The following RAI14 variants were observed in gnomAD, a reference collection of about 807,000 sequenced individuals.
The protein encoded by RAI14 is ankycorbin.
Under a neutral mutation model 115.4 loss-of-function variants are expected in RAI14, and 45 were observed. The ratio of observed to expected loss-of-function variants is 0.39; its 90% CI spans 0.31 to 0.50. The LOEUF (loss-of-function observed/expected upper bound fraction) is 0.50, where lower values mean the gene tolerates loss of function less well. Among genes scored for constraint, RAI14 ranks in the 20% least tolerant of loss-of-function variants. RAI14 has a pLI of 0.85. For synonymous variants in RAI14, 371 were observed against 415.4 expected (o/e 0.89, Z 1.30); for missense variants, 939 against 1,131.2 (o/e 0.83, Z 2.44).
intron 16 of RAI14, among the ~76,000 whole-genome samples, chr5:34,829,154 G>C (rs983547983): frequency 1.5e-5 from 2 of 135,394 alleles, no homozygotes; most frequent in African/African-American, 5.7e-5. Context: ...CACATATATA[G>C]ACACACATAC....
At chr5:34,811,180 C>A in intron 8 of RAI14, 62 bp downstream of exon 8, 1 of 1,527,182 alleles carries the variant, frequency 6.5e-7, no homozygotes, top group Non-Finnish European at 9.0e-7. Flanking sequence ...GAGAGTATTT[C>A]AAAATATCAC....
intron 2 of RAI14, among the ~76,000 whole-genome samples, chr5:34,723,616 C>T (rs763577252): frequency 5.3e-5 from 8 of 152,088 alleles, no homozygotes; most frequent in African/African-American, 1.2e-4. Context: ...TAACATTAAC[C>T]GTCGCATAGT....
chr5:34,750,156 TA>T (rs754596718), intron 2 of RAI14, among the ~76,000 whole-genome samples: 1 of 152,058 alleles, frequency 6.6e-6, no homozygotes, highest in Non-Finnish European at 1.5e-5. Context: ...AATTTACAAG[TA>T]GGGGGGATTT....
At chr5:34,762,461 G>A (rs987082231) in intron 3 of RAI14, among the ~76,000 whole-genome samples, 1 of 152,064 alleles carries the variant, frequency 6.6e-6, no homozygotes, top group Non-Finnish European at 1.5e-5. Context: ...TCTTTCTGGA[G>A]TATTTTCTTT....
At chr5:34,696,469 G>A (rs1304437708) in intron 2 of RAI14, among the ~76,000 whole-genome samples, 1 of 152,128 alleles carries the variant, frequency 6.6e-6, no homozygotes, top group African/African-American at 2.4e-5. Flanking sequence ...GAAACTGAAG[G>A]TGCACAAATC....
intron 2 of RAI14, among the ~76,000 whole-genome samples, chr5:34,720,441 C>T (rs931229760): frequency 3.1e-5 from 4 of 130,656 alleles, no homozygotes; most frequent in South Asian, 2.5e-4. Flanking sequence ...GATGGAGTCT[C>T]GCTCTGTCGC....
In RAI14 at chr5:34,831,053, C is replaced by T; in HGVS notation, c.*288C>T. On this transcript the variant is annotated 3_prime_UTR_variant, in exon 18 of 18. Coordinates refer to ENST00000265109, the MANE Select transcript of RAI14 (RefSeq NM_015577.3). Reference sequence around the variant, plus strand: ...TGGTCCTGATGCTGGCAGGGGGGCCCCCTCCTCCATCCCTGACTGGCTGAG... The same window carrying T: ...TGGTCCTGATGCTGGCAGGGGGGCCTCCTCCTCCATCCCTGACTGGCTGAG... 1 of 371,480 alleles carries T rather than the reference C, an allele frequency of 2.7e-6. No homozygotes were observed. Among genetic ancestry groups the T allele is most frequent in the Non-Finnish European group, 4.7e-6 (1 of 212,042 alleles). The allele number at this position is 371,480 out of a possible 1,614,324, so 23.0% of individuals were successfully genotyped here.
intron 3 of RAI14, among the ~76,000 whole-genome samples, chr5:34,789,737 A>T (rs371603585): frequency 6.6e-6 from 1 of 152,164 alleles, no homozygotes; most frequent in East Asian, 1.9e-4. Flanking sequence ...GGATACAATA[A>T]TTGGTGGCAT....
intron 2 of RAI14, among the ~76,000 whole-genome samples, chr5:34,726,321 TG>T (rs1263584998): frequency 6.6e-6 from 1 of 152,164 alleles, no homozygotes; most frequent in Admixed American, 6.5e-5. Flanking sequence ...GAGGCATGCC[TG>T]GGGAGGCCTC....
chr5:34,738,307 A>G (rs1745108041), intron 2 of RAI14, among the ~76,000 whole-genome samples: 1 of 152,188 alleles, frequency 6.6e-6, no homozygotes. Context: ...TGTCCAAAAT[A>G]AAAAAGCGGA....
At position 34,808,660 on chromosome 5, in the gene RAI14, T is replaced by C. The variant is rs1187601712; in HGVS notation, c.450+6T>C. 1.2e-6 allele frequency: 2 copies of C among 1,613,532 alleles called. No individual in the cohort carries two copies. Among genetic ancestry groups the C allele is most frequent in the East Asian group, 2.2e-5 (1 of 44,874 alleles). On this transcript the variant is annotated splice_donor_region_variant and intron_variant, in intron 7 of 17. Coordinates refer to ENST00000265109, the MANE Select transcript of RAI14 (RefSeq NM_015577.3). ...CCATAAACCTCAAAGATTTGGTAAG[T>C]ACCAGGTGGTCACTAGAGGCAGAGG...
intron 2 of RAI14, among the ~76,000 whole-genome samples, chr5:34,699,657 T>C (rs182830819): frequency 9.7e-4 from 148 of 152,214 alleles, no homozygotes; most frequent in Non-Finnish European, 1.3e-3. Flanking sequence ...AACATATGGA[T>C]TTTGGGGGAA....
chr5:34,659,341 C>A (rs146985157), intron 1 of RAI14, among the ~76,000 whole-genome samples: 161 of 152,302 alleles, frequency 1.1e-3, no homozygotes, highest in African/African-American at 3.8e-3. Flanking sequence ...GATCACTGCT[C>A]ACTACAGCCT....
At chr5:34,686,002 G>T (rs1744826630) in intron 1 of RAI14, among the ~76,000 whole-genome samples, 1 of 152,128 alleles carries the variant, frequency 6.6e-6, no homozygotes, top group South Asian at 2.1e-4. Flanking sequence ...AGGTTTTGTT[G>T]TTCCTGGCAT....
At position 34,686,906 on chromosome 5, in the gene RAI14, T is replaced by G; in HGVS notation, c.-14T>G. The G allele has an allele frequency of 6.2e-7, 1 of 1,613,432 alleles. No homozygotes were observed. The highest frequency in any genetic ancestry group is 8.5e-7 in the Non-Finnish European group (1 of 1,179,630). On this transcript the variant is annotated 5_prime_UTR_variant, in exon 2 of 18. Coordinates refer to ENST00000265109, the MANE Select transcript of RAI14 (RefSeq NM_015577.3). The stretch of plus-strand genomic sequence containing the variant: ...AGTCTCCTCTAGAGCTTTGGAAGGC[T>G]GAATGCACTAAACATGAAGAGCTTG...
chr5:34,801,340 AT>A (rs1415648498), intron 4 of RAI14, among the ~76,000 whole-genome samples: 1 of 152,226 alleles, frequency 6.6e-6, no homozygotes, highest in Non-Finnish European at 1.5e-5. Flanking sequence ...TTTTTATGCC[AT>A]TCACCATAGC....
chr5:34,715,346 T>G (rs1741865251), intron 2 of RAI14, among the ~76,000 whole-genome samples: 1 of 152,166 alleles, frequency 6.6e-6, no homozygotes, highest in Non-Finnish European at 1.5e-5. Context: ...AAGAGGAACC[T>G]AGGTCAGATC....
At chr5:34,711,616 T>C (rs1741411892) in intron 2 of RAI14, among the ~76,000 whole-genome samples, 1 of 152,198 alleles carries the variant, frequency 6.6e-6, no homozygotes, top group African/African-American at 2.4e-5. Flanking sequence ...ATGAATGAGA[T>C]TATTGCCCTT....
chr5:34,821,838 A>C lies in RAI14; in HGVS notation c.1101A>C (p.Gln367His). Residue 367 changes from glutamine to histidine, a missense_variant, in exon 14 of 18, where the codon CAA becomes CAC. Coordinates refer to ENST00000265109, the MANE Select transcript of RAI14 (RefSeq NM_015577.3). ...ASLTLHNKEL[Q>H]DKLQAKSPKE... ...TTACCTTACACAATAAGGAGTTACAAGATAAATTACAGGTATATAAATAGA... is the reference window on the plus strand; with the variant it reads ...TTACCTTACACAATAAGGAGTTACACGATAAATTACAGGTATATAAATAGA... 6.4e-7 allele frequency: 1 copy of C among 1,565,280 alleles called. No individual in the cohort carries two copies. Among genetic ancestry groups the C allele is most frequent in the Non-Finnish European group, 8.8e-7 (1 of 1,136,756 alleles).
Sources: allele counts gnomAD v4.1 joint callset (sites outside exome capture counted in the v4.1 genomes callset), GRCh38; gene constraint gnomAD v4.1.1; transcripts MANE v1.5; gene names NCBI Gene and HGNC (gene_info 2026-07-23, HGNC 2026-07-21).